SNX9: variants seen among roughly 807,000 people sequenced by gnomAD.
SNX9 encodes the protein sorting nexin 9.
In SNX9, 44 loss-of-function variants were observed where a neutral mutation model predicts 89.4. That is an observed-to-expected ratio of 0.49 (90% CI 0.39 to 0.63). The LOEUF (loss-of-function observed/expected upper bound fraction) is 0.63, where lower values mean the gene tolerates loss of function less well. Among genes scored for constraint, SNX9 ranks in the 30% least tolerant of loss-of-function variants. The probability of loss-of-function intolerance (pLI) is 0.00; values close to 1 mark genes in which losing one functional copy is unlikely to be tolerated. For missense variants in SNX9, 578 were observed against 736.1 expected (o/e 0.79, Z 2.49); for synonymous variants, 236 against 247.8 (o/e 0.95, Z 0.45).
At position 157,876,187 on chromosome 6, in the gene SNX9, G is replaced by A. The variant is rs181079553; in HGVS notation, c.300+1011G>A. Among the ~76,000 whole-genome samples the A allele has an allele frequency of 2.2e-3, 328 of 152,102 alleles. 4 individuals are homozygous for A. The highest frequency in any genetic ancestry group is 1.0e-3 in the Non-Finnish European group (70 of 67,994). On this transcript the variant is annotated intron_variant, in intron 4 of 17. Transcript: ENST00000392185. The stretch of plus-strand genomic sequence containing the variant: ...TTATTAGCCAGGCACAGTGGCTCAC[G>A]CCTGTAATCCCACCAGCACTTTGGG...
Position 157,830,919 on chromosome 6 carries a change from A to G in SNX9, c.12+7473A>G, listed in dbSNP as rs80000117. 4.9e-3 allele frequency among the ~76,000 whole-genome samples: 750 copies of G among 152,190 alleles called. 9 individuals are homozygous for G. Among genetic ancestry groups the G allele is most frequent in the African/African-American group, 0.017 (720 of 41,532 alleles). On this transcript the variant is annotated intron_variant, in intron 1 of 17. Coordinates refer to ENST00000392185, the MANE Select transcript of SNX9 (RefSeq NM_016224.5). ...TTTGTGCTACATTCTGGATGATTTCATTTGTTCTTACCTTCTGTTCACTAT... is the reference window on the plus strand; with the variant it reads ...TTTGTGCTACATTCTGGATGATTTCGTTTGTTCTTACCTTCTGTTCACTAT...
At position 157,891,144 on chromosome 6, in the gene SNX9, G is replaced by C. The variant is rs144205871; in HGVS notation, c.301-5683G>C. Among the ~76,000 whole-genome samples the C allele has an allele frequency of 2.7e-3, 395 of 145,628 alleles. 1 individual carries two copies. Among genetic ancestry groups the C allele is most frequent in the African/African-American group, 9.7e-3 (378 of 39,106 alleles). The stretch of plus-strand genomic sequence containing the variant: ...CCTTCCAGGTTCAAGCGATTCTCCT[G>C]CTTCAGCCTCCCAAGTAGCTGGGAT... On this transcript the variant is annotated intron_variant, in intron 4 of 17. Coordinates refer to ENST00000392185, the MANE Select transcript of SNX9 (RefSeq NM_016224.5).
chr6:157,925,446 C>T (rs1365268104), intron 10 of SNX9, among the ~76,000 whole-genome samples: 1 of 151,856 alleles, frequency 6.6e-6, no homozygotes, highest in Non-Finnish European at 1.5e-5. Flanking sequence ...GAAGTTGAAC[C>T]CTCTCATATG....
intron 4 of SNX9, among the ~76,000 whole-genome samples, chr6:157,894,074 G>A (rs141995188): frequency 2.4e-3 from 325 of 138,282 alleles, no homozygotes; most frequent in African/African-American, 8.5e-3. Flanking sequence ...CTGGATCCCT[G>A]TATCATTTCT....
intron 9 of SNX9, among the ~76,000 whole-genome samples, chr6:157,916,858 T>C (rs887593230): frequency 5.3e-5 from 8 of 152,220 alleles, no homozygotes; most frequent in Non-Finnish European, 8.8e-5. Context: ...TTCACGATGG[T>C]TATTGGTCTA....
chr6:157,901,855 T>G (rs1265199420), intron 5 of SNX9, 43 bp from the exon 6 acceptor site: 13 of 103,934 alleles, frequency 1.3e-4, no homozygotes, highest in Non-Finnish European at 2.5e-4. Flanking sequence ...TATTTTGGTC[T>G]TTTTTTTTTT....
chr6:157,851,954 A>G (rs959035907), intron 1 of SNX9, among the ~76,000 whole-genome samples: 3 of 152,214 alleles, frequency 2.0e-5, no homozygotes, highest in African/African-American at 7.2e-5. Context: ...TCTGTAATGT[A>G]GCATGTATCC....
chr6:157,889,712 A>C (rs567752901), intron 4 of SNX9, among the ~76,000 whole-genome samples: 24 of 152,298 alleles, frequency 1.6e-4, no homozygotes, highest in Admixed American at 6.5e-4. Context: ...AAAAGTCTCT[A>C]TTAATATGAC....
At chr6:157,909,847 C>CT (rs1783301636) in intron 8 of SNX9, 57 bp downstream of exon 8, 11 of 1,611,442 alleles carry the variant, frequency 6.8e-6, no homozygotes, top group African/African-American at 1.3e-5. Flanking sequence ...TTGCAGCTTG[C>CT]TTTTTTCTTC....
chr6:157,845,086 C>G (rs1781778881), intron 1 of SNX9, among the ~76,000 whole-genome samples: 1 of 150,792 alleles, frequency 6.6e-6, no homozygotes, highest in South Asian at 2.1e-4. Context: ...GCCACCGCAC[C>G]TGGCCCTTTC....
rs1219278692 is a variant in SNX9, at chr6:157,896,960, A to ACACT, written c.435_438dup (p.Ala147HisfsTer16). ...AACACAAACACTCCCAACAACTGGGACACTGCCTTCGGCCACCCCCAGGCC... is the reference window on the plus strand; with the variant it reads ...AACACAAACACTCCCAACAACTGGGACACTCACTGCCTTCGGCCACCCCCAGGCC... On this transcript the variant is annotated frameshift_variant, in exon 5 of 18. Coordinates refer to ENST00000392185, the MANE Select transcript of SNX9 (RefSeq NM_016224.5). LOFTEE classifies it high-confidence loss of function. 6 of 1,611,616 alleles carry ACACT rather than the reference A, an allele frequency of 3.7e-6. No homozygotes were observed. The highest frequency in any genetic ancestry group is 5.1e-6 in the Non-Finnish European group (6 of 1,179,382).
At chr6:157,906,730 T>TA (rs960796403) in intron 7 of SNX9, among the ~76,000 whole-genome samples, 15 of 152,212 alleles carry the variant, frequency 9.9e-5, no homozygotes, top group African/African-American at 3.6e-4. Context: ...GTCTTAGAAT[T>TA]ACTTGGTTAT....
intron 1 of SNX9, among the ~76,000 whole-genome samples, chr6:157,852,766 G>A (rs537532961): frequency 1.3e-5 from 2 of 152,054 alleles, no homozygotes; most frequent in Non-Finnish European, 2.9e-5. Flanking sequence ...TAGAGACAGG[G>A]TCTCTCCACG....
At chr6:157,938,581 A>G in intron 15 of SNX9, 52 bp from the exon 16 acceptor site, 1 of 1,196,196 alleles carries the variant, frequency 8.4e-7, no homozygotes, top group East Asian at 2.3e-5. Context: ...ATTTTAAACT[A>G]ATGACTAATC....
chr6:157,912,261 CCA>C (rs1027476720), intron 9 of SNX9, among the ~76,000 whole-genome samples: 30 of 152,170 alleles, frequency 2.0e-4, no homozygotes, highest in Admixed American at 1.3e-4. Flanking sequence ...AGTGTGTGCT[CCA>C]CAGTGTTTAA....
At chr6:157,924,313 C>G (rs1405408767) in intron 10 of SNX9, 1 of 152,048 alleles carries the variant, frequency 6.6e-6, no homozygotes, top group Non-Finnish European at 1.5e-5. Flanking sequence ...ATTGGCACCT[C>G]CCGGGGAGCA....
At chr6:157,844,636 C>G (rs1343521821) in intron 1 of SNX9, among the ~76,000 whole-genome samples, 1 of 145,400 alleles carries the variant, frequency 6.9e-6, no homozygotes, top group African/African-American at 2.6e-5. Flanking sequence ...CTCTGTTGCC[C>G]AGGCTGGAGT....
chr6:157,914,641 T>TA (rs1351611706), intron 9 of SNX9, among the ~76,000 whole-genome samples: 3 of 151,774 alleles, frequency 2.0e-5, no homozygotes, highest in Non-Finnish European at 4.4e-5. Flanking sequence ...CACTTCTTGT[T>TA]AATTTTTTGT....
At chr6:157,927,362 A>G in intron 11 of SNX9, 148 bp downstream of exon 11, 1 of 610,304 alleles carries the variant, frequency 1.6e-6, no homozygotes, top group South Asian at 2.0e-5. Flanking sequence ...TGACAAGGGA[A>G]ACATCATTTG....
Sources: gnomAD v4.1 joint callset for allele counts (sites outside exome capture counted in the v4.1 genomes callset) on GRCh38, gnomAD v4.1.1 for gene constraint, MANE v1.5 for transcripts, NCBI Gene and HGNC (gene_info 2026-07-23, HGNC 2026-07-21) for gene names.